The following SUMF2 variants were observed in gnomAD, a reference collection of about 807,000 sequenced individuals.
SUMF2 encodes sulfatase modifying factor 2, also known as inactive C-alpha-formylglycine-generating enzyme 2.
A neutral mutation model predicts 44.8 loss-of-function variants in SUMF2; 45 were observed. The ratio of observed to expected loss-of-function variants is 1.00; its 90% CI spans 0.79 to 1.29. The LOEUF is 1.29. Among genes scored for constraint, SUMF2 ranks in the 50% most tolerant of loss-of-function variants. The pLI is 0.00. For missense variants in SUMF2, 418 were observed against 389.9 expected (o/e 1.07, Z -0.61); for synonymous variants, 148 against 150.4 (o/e 0.98, Z 0.12).
At chr7:56,082,358 C>T (rs1176121654), downstream of SUMF2, 7 of 845,384 alleles carry the variant, frequency 8.3e-6, no homozygotes, top group African/African-American at 1.7e-5. Context: ...TTTGGGAGGC[C>T]GAGGCAGGTG....
Position 56,078,462 on chromosome 7 carries a change from G to A in SUMF2, c.775G>A (p.Asp259Asn), listed in dbSNP as rs781238352. ...CGTCCTCCGGGGGGCATCCTGGATC[G>A]ACACAGCTGATGGCTCTGCCAATCA... ...MRVLRGASWI[D>N]TADGSANHRA... The change falls in exon 8 of 9, where the codon GAC becomes AAC. Residue 259 changes from aspartate to asparagine, a missense_variant. By Grantham distance (23) the Asp-to-Asn change is conservative. Coordinates refer to ENST00000434526, the MANE Select transcript of SUMF2 (RefSeq NM_015411.4). The A allele has an allele frequency of 1.3e-5, 21 of 1,603,000 alleles. No homozygotes were observed. The highest frequency in any genetic ancestry group is 1.0e-4 in the South Asian group (9 of 89,680).
chr7:56,071,967 G>C (rs1417057176), intron 2 of SUMF2, among the ~76,000 whole-genome samples: 1 of 150,812 alleles, frequency 6.6e-6, no homozygotes, highest in Admixed American at 6.6e-5. Context: ...AAATTAGTGG[G>C]CATGGTGGTG....
In SUMF2 at chr7:56,074,601, T is replaced by A. The variant is rs1016911601; in HGVS notation, c.400T>A (p.Ser134Thr). The A allele has an allele frequency of 6.2e-7, 1 of 1,613,904 alleles. No homozygotes were observed. The highest frequency in any genetic ancestry group is 8.5e-7 in the Non-Finnish European group (1 of 1,179,982). ...TGGCTGTCAGCCTGCAGGTCCTGGC[T>A]CTGGCATCCGAGAGAGACTGGAGCA... Reference protein sequence around the residue: ...AFWRQPAGPGSGIRERLEHPV... With the variant: ...AFWRQPAGPGTGIRERLEHPV... The change falls in exon 5 of 9, where the codon TCT becomes ACT. Residue 134 changes from serine to threonine, a missense_variant. Physicochemically the swap from Ser to Thr is moderately conservative, Grantham distance 58. Transcript: ENST00000434526.
intron 5 of SUMF2, 56 bp from the exon 6 acceptor site, chr7:56,076,778 T>A (rs1795580393): frequency 6.7e-7 from 1 of 1,492,206 alleles, no homozygotes; most frequent in East Asian, 2.4e-5. Context: ...TGTTCTTTTT[T>A]CCTTCCCTAA....
Position 56,072,995 on chromosome 7 carries a change from A to G in SUMF2, c.225-2A>G. The G allele has an allele frequency of 6.2e-7, 1 of 1,612,684 alleles. No homozygotes were observed. The highest frequency in any genetic ancestry group is 8.5e-7 in the Non-Finnish European group (1 of 1,178,762). The stretch of plus-strand genomic sequence containing the variant: ...TGAACCAGCTGAACTATGTCTTTAT[A>G]GGGATTTTGTCAGGGAGAAAAAGTA... On this transcript the variant is annotated splice_acceptor_variant, in intron 2 of 8. Transcript: ENST00000434526. LOFTEE classifies it high-confidence loss of function.
At chr7:56,078,207 G>A (rs180753898) in intron 7 of SUMF2, 21 bp downstream of exon 7, 1,043 of 1,602,056 alleles carry the variant, frequency 6.5e-4, no homozygotes, top group Admixed American at 1.4e-3. Context: ...TCTTGGGCTT[G>A]CGGCTGTGCC....
chr7:56,084,755 G>A (rs910704113), downstream of SUMF2, among the ~76,000 whole-genome samples: 3 of 151,706 alleles, frequency 2.0e-5, no homozygotes, highest in African/African-American at 7.3e-5. Flanking sequence ...CCAATTACAG[G>A]ATTAAGAATT....
chr7:56,064,713 T>C (rs1263607352), intron 1 of SUMF2, among the ~76,000 whole-genome samples: 1 of 135,390 alleles, frequency 7.4e-6, no homozygotes, highest in Non-Finnish European at 1.6e-5. Flanking sequence ...TCTACAAAAA[T>C]ACAAAAACAA....
rs1230899146 is a variant in SUMF2, at chr7:56,074,602, C to G, written c.401C>G (p.Ser134Cys). 4 of 1,613,978 alleles carry G rather than the reference C, an allele frequency of 2.5e-6. No homozygotes were observed. In the South Asian group the frequency reaches 3.3e-5, roughly 13 times the overall value. ...AFWRQPAGPG[S>C]GIRERLEHPV... ...GGCTGTCAGCCTGCAGGTCCTGGCT[C>G]TGGCATCCGAGAGAGACTGGAGCAC... Residue 134 changes from serine (S) to cysteine (C), a missense_variant, in exon 5 of 9, where the codon TCT (serine) becomes TGT (cysteine). Ser to Cys is a moderately radical substitution (Grantham distance 112, BLOSUM62 -1). Coordinates refer to ENST00000434526, the MANE Select transcript of SUMF2 (RefSeq NM_015411.4).
At position 56,076,894 on chromosome 7, in the gene SUMF2, G is replaced by A; in HGVS notation, c.591+5G>A. 1 of 1,605,964 alleles carries A rather than the reference G, an allele frequency of 6.2e-7. No homozygotes were observed. ...AACCGCACCAACCTGTGGCAGGTAA[G>A]ACCTACGTTCCTCCTTTCACCAAGC... On this transcript the variant is annotated splice_donor_5th_base_variant and intron_variant, in intron 6 of 8. Transcript: ENST00000434526.
intron 1 of SUMF2, among the ~76,000 whole-genome samples, chr7:56,065,218 AAGG>A (rs375904950): frequency 9.3e-5 from 14 of 151,150 alleles, no homozygotes; most frequent in East Asian, 1.9e-4. Context: ...AAAAAGGAAA[AAGG>A]AGAATATAAC....
At chr7:56,083,543 A>G, downstream of SUMF2, 1 of 1,519,222 alleles carries the variant, frequency 6.6e-7, no homozygotes. Context: ...GGAGCAGCAC[A>G]CACGCCCAGC....
chr7:56,082,927 G>A (rs1796080477), downstream of SUMF2, among the ~76,000 whole-genome samples: 3 of 152,072 alleles, frequency 2.0e-5, no homozygotes, highest in Non-Finnish European at 2.9e-5. Flanking sequence ...CCAACATGGT[G>A]AAACCCTGTC....
At position 56,080,098 on chromosome 7, in the gene SUMF2, C is replaced by T; in HGVS notation, c.*486C>T. ...TGGTTTCGTGTCCCTCTGAAGGAAA[C>T]TAGTTTCCACTGTGTAACAGGCAGA... On this transcript the variant is annotated 3_prime_UTR_variant, in exon 9 of 9. Coordinates refer to ENST00000434526, the MANE Select transcript of SUMF2 (RefSeq NM_015411.4). The T allele has an allele frequency of 3.6e-6, 2 of 548,686 alleles. No individual in the cohort carries two copies. Among genetic ancestry groups the T allele is most frequent in the Non-Finnish European group, 6.5e-6 (2 of 309,178 alleles). 34.0% of individuals were successfully genotyped at this position (548,686 alleles called of 1,614,324 possible).
chr7:56,083,426 A>G (rs779026911), downstream of SUMF2: 1 of 1,614,118 alleles, frequency 6.2e-7, no homozygotes, highest in Admixed American at 1.7e-5. Context: ...CCTCCAGCAG[A>G]GCTCGCATGA....
intron 5 of SUMF2, among the ~76,000 whole-genome samples, chr7:56,076,320 C>T (rs1052050882): frequency 6.6e-6 from 1 of 151,982 alleles, no homozygotes; most frequent in South Asian, 2.1e-4. Flanking sequence ...GCCACCATGC[C>T]CTGCATAATT....
At chr7:56,067,880 C>T (rs1206674816) in intron 1 of SUMF2, among the ~76,000 whole-genome samples, 9 of 135,436 alleles carry the variant, frequency 6.6e-5, no homozygotes, top group African/African-American at 1.7e-4. Context: ...GGTGACACAG[C>T]GAGATCCTGT....
At chr7:56,076,973 A>G (rs971939846) in intron 6 of SUMF2, 84 bp downstream of exon 6, 5 of 1,372,538 alleles carry the variant, frequency 3.6e-6, no homozygotes, top group Non-Finnish European at 5.0e-6. Flanking sequence ...CGCGGCATCC[A>G]GAAGGCTTGG....
chr7:56,080,717 G>A (rs1180558369), downstream of SUMF2: 4 of 343,172 alleles, frequency 1.2e-5, no homozygotes, highest in Non-Finnish European at 1.1e-5. Flanking sequence ...AGGGAAGAAA[G>A]CCTGAGTGTC....
Sources: gnomAD v4.1 joint callset for allele counts (sites outside exome capture counted in the v4.1 genomes callset) on GRCh38, gnomAD v4.1.1 for gene constraint, MANE v1.5 for transcripts, NCBI Gene and HGNC (gene_info 2026-07-23, HGNC 2026-07-21) for gene names.